ADORA2B: variants seen among roughly 807,000 people sequenced by gnomAD.
ADORA2B encodes adenosine A2b receptor.
In ADORA2B, 18 loss-of-function variants were observed where a neutral mutation model predicts 20.8. The ratio of observed to expected loss-of-function variants is 0.87; its 90% CI spans 0.60 to 1.29. The LOEUF (loss-of-function observed/expected upper bound fraction) is 1.29, where lower values mean the gene tolerates loss of function less well. Ranked by LOEUF, ADORA2B falls within the 50% of genes most tolerant of loss-of-function variation. The probability of loss-of-function intolerance (pLI) is 0.00; values close to 1 mark genes in which losing one functional copy is unlikely to be tolerated. For missense variants in ADORA2B, 441 were observed against 422.7 expected, an observed-to-expected ratio of 1.04 and a Z score of -0.38; for synonymous variants, 179 against 178.3, an observed-to-expected ratio of 1.00 and a Z score of -0.03.
At chr17:15,918,758 C>T in the ADORA2B span, among the ~76,000 whole-genome samples, 6 of 152,182 alleles carry the variant, frequency 3.9e-5, no homozygotes, top group African/African-American at 1.4e-4. Flanking sequence ...TGTAAGCCAC[C>T]GCGCCTGGCC....
the ADORA2B span, among the ~76,000 whole-genome samples, chr17:15,888,815 C>CATATATATATATATATATATAT: frequency 6.4e-5 from 1 of 15,734 alleles, no homozygotes; most frequent in Non-Finnish European, 9.5e-5. Context: ...TATGTGATGC[C>CATATATATATATATATATATAT]ATATATATAT....
chr17:15,903,708 A>G, the ADORA2B span, among the ~76,000 whole-genome samples: 1 of 152,248 alleles, frequency 6.6e-6, no homozygotes, highest in African/African-American at 2.4e-5. Context: ...AAGTTATTCC[A>G]TAAATGATTT....
At chr17:15,961,131 C>T (rs909423619) in intron 1 of ADORA2B, among the ~76,000 whole-genome samples, 17 of 151,032 alleles carry the variant, frequency 1.1e-4, no homozygotes, top group African/African-American at 3.4e-4. Context: ...CATGCCACTG[C>T]ACTCCAGCCT....
chr17:15,883,040 T>C, the ADORA2B span, among the ~76,000 whole-genome samples: 1 of 152,224 alleles, frequency 6.6e-6, no homozygotes, highest in Non-Finnish European at 1.5e-5. Context: ...TCCATTCCCT[T>C]ACTCATGAAA....
the ADORA2B span, among the ~76,000 whole-genome samples, chr17:15,921,795 C>T: frequency 8.1e-4 from 123 of 152,300 alleles, no homozygotes; most frequent in African/African-American, 2.9e-3. Context: ...CACCTTTTAG[C>T]TCTCACATCC....
At chr17:15,883,833 A>G in the ADORA2B span, among the ~76,000 whole-genome samples, 2 of 152,318 alleles carry the variant, frequency 1.3e-5, no homozygotes, top group Non-Finnish European at 1.5e-5. Context: ...AACACCCTAA[A>G]TGCCTGCTGT....
At chr17:15,876,231 A>C in the ADORA2B span, among the ~76,000 whole-genome samples, 4 of 152,156 alleles carry the variant, frequency 2.6e-5, no homozygotes, top group African/African-American at 9.7e-5. Flanking sequence ...TAGGTCAGCA[A>C]CTATTTCCCT....
chr17:15,869,515 G>A, the ADORA2B span, among the ~76,000 whole-genome samples: 1 of 152,082 alleles, frequency 6.6e-6, no homozygotes, highest in Non-Finnish European at 1.5e-5. Flanking sequence ...TTTGGAGGTG[G>A]AAAATCTGAA....
At chr17:15,964,828 A>G (rs371778334) in intron 1 of ADORA2B, among the ~76,000 whole-genome samples, 5,458 of 151,036 alleles carry the variant, frequency 0.036, 376 homozygotes, top group African/African-American at 0.12. Flanking sequence ...TTGGGAGGCC[A>G]AGGTGGGCGA....
At chr17:15,959,043 G>A (rs1216511979) in intron 1 of ADORA2B, among the ~76,000 whole-genome samples, 3 of 152,190 alleles carry the variant, frequency 2.0e-5, no homozygotes, top group African/African-American at 7.2e-5. Context: ...CTGAACCGAT[G>A]AGCTTGTTGC....
the ADORA2B span, among the ~76,000 whole-genome samples, chr17:15,884,396 AT>A: frequency 0.33 from 49,968 of 151,722 alleles, 8,911 homozygotes; most frequent in African/African-American, 0.46. Flanking sequence ...AATTTATTAA[AT>A]TTTTTTTTCT....
chr17:15,919,253 T>C, the ADORA2B span, among the ~76,000 whole-genome samples: 13 of 152,164 alleles, frequency 8.5e-5, no homozygotes, highest in East Asian at 2.3e-3. Context: ...AGGAACCAAT[T>C]TGGATTATTT....
the ADORA2B span, among the ~76,000 whole-genome samples, chr17:15,900,996 C>T: frequency 1.3e-4 from 20 of 152,194 alleles, no homozygotes; most frequent in East Asian, 1.9e-4. Flanking sequence ...ATGTCTGTAC[C>T]GGGCCGTTTA....
At chr17:15,941,631 G>A (rs1247622805), upstream of ADORA2B, among the ~76,000 whole-genome samples, 11 of 151,896 alleles carry the variant, frequency 7.2e-5, no homozygotes, top group Admixed American at 2.6e-4. Flanking sequence ...GGGAGGCTGG[G>A]GTGGGAGGAT....
the ADORA2B span, among the ~76,000 whole-genome samples, chr17:15,885,624 G>C: frequency 6.6e-6 from 1 of 151,380 alleles, no homozygotes; most frequent in African/African-American, 2.4e-5. Flanking sequence ...TGAGGCACGA[G>C]AATTGCTTGA....
chr17:15,957,727 C>G (rs906129555), intron 1 of ADORA2B, among the ~76,000 whole-genome samples: 1 of 152,040 alleles, frequency 6.6e-6, no homozygotes, highest in African/African-American at 2.4e-5. Flanking sequence ...AGCCCTGGAC[C>G]GTTCATTATT....
intron 1 of ADORA2B, among the ~76,000 whole-genome samples, chr17:15,952,157 G>A (rs947802071): frequency 2.9e-4 from 44 of 152,178 alleles, no homozygotes; most frequent in Non-Finnish European, 4.3e-4. Context: ...CGGTGACCAC[G>A]TGCAGGGCAG....
At chr17:15,922,294 G>C in the ADORA2B span, among the ~76,000 whole-genome samples, 1 of 152,242 alleles carries the variant, frequency 6.6e-6, no homozygotes, top group Middle Eastern at 3.4e-3. Flanking sequence ...CCCAAAGTTA[G>C]CATGCTATGC....
At chr17:15,913,189 G>C in the ADORA2B span, among the ~76,000 whole-genome samples, 1 of 152,230 alleles carries the variant, frequency 6.6e-6, no homozygotes, top group African/African-American at 2.4e-5. Flanking sequence ...AGCCAGAAGG[G>C]CTTGGATTCT....
Sources: allele counts gnomAD v4.1 joint callset (sites outside exome capture counted in the v4.1 genomes callset), GRCh38; gene constraint gnomAD v4.1.1; transcripts MANE v1.5; gene names NCBI Gene and HGNC (gene_info 2026-07-23, HGNC 2026-07-21).